Variants in CD99L2 observed in about 807,000 individuals in gnomAD.
CD99L2 encodes the protein CD99 antigen-like protein 2.
In CD99L2, 24 loss-of-function variants were observed where a neutral mutation model predicts 27.3. The ratio of observed to expected loss-of-function variants is 0.88; its 90% CI spans 0.64 to 1.24. The LOEUF (loss-of-function observed/expected upper bound fraction) is 1.24. CD99L2 is among the 50% of genes most tolerant of loss of function. The pLI is 0.00. For missense variants in CD99L2, 255 were observed against 221.6 expected (o/e 1.15, Z -0.96); for synonymous variants, 97 against 87.9 (o/e 1.10, Z -0.58).
At chrX:150,869,500 T>C (rs782369772) in intron 1 of CD99L2, among the ~76,000 whole-genome samples, 1 of 112,447 alleles carries the variant, frequency 8.9e-6, no homozygotes, top group Admixed American at 9.4e-5. Context: ...CATATTTGTA[T>C]GTAATTCTAA....
chrX:150,792,644 G>A (rs1557419740), intron 7 of CD99L2, among the ~76,000 whole-genome samples: 1 of 112,140 alleles, frequency 8.9e-6, no homozygotes, highest in African/African-American at 3.2e-5. Flanking sequence ...GTTACAACCA[G>A]ATACACCCAT....
At chrX:150,792,124 G>A (rs1210942950) in intron 7 of CD99L2, among the ~76,000 whole-genome samples, 5 of 110,806 alleles carry the variant, frequency 4.5e-5, no homozygotes, top group Non-Finnish European at 7.5e-5. Context: ...TTTTTTCCAC[G>A]ACCCCCTTTA....
intron 1 of CD99L2, among the ~76,000 whole-genome samples, chrX:150,880,105 C>A (rs782456156): frequency 9.9e-5 from 11 of 111,515 alleles, no homozygotes; most frequent in Non-Finnish European, 1.7e-4. Context: ...TCCTACACTG[C>A]TGGTGGGATT....
At chrX:150,860,913 G>A (rs782730033) in intron 1 of CD99L2, among the ~76,000 whole-genome samples, 7 of 109,349 alleles carry the variant, frequency 6.4e-5, no homozygotes, top group Non-Finnish European at 9.5e-5. Flanking sequence ...TTTGGGAGGC[G>A]GGTGGATCAC....
At chrX:150,806,386 G>A (rs782359849) in intron 4 of CD99L2, among the ~76,000 whole-genome samples, 79 of 111,572 alleles carry the variant, frequency 7.1e-4, no homozygotes, top group Non-Finnish European at 1.2e-3. Context: ...CTGCTGAGCA[G>A]CTGGGACTAC....
chrX:150,857,656 C>T (rs1437876126), intron 1 of CD99L2, among the ~76,000 whole-genome samples: 4 of 111,626 alleles, frequency 3.6e-5, no homozygotes, highest in African/African-American at 6.5e-5. Context: ...ATCATGAAAA[C>T]GTACAAAAGT....
At chrX:150,774,213 C>G (rs782804423) in intron 9 of CD99L2, among the ~76,000 whole-genome samples, 2 of 112,165 alleles carry the variant, frequency 1.8e-5, no homozygotes, top group South Asian at 7.5e-4. Context: ...TTCTGTCAGT[C>G]AGTTCTAACT....
At chrX:150,833,372 T>C (rs1478944719) in intron 1 of CD99L2, among the ~76,000 whole-genome samples, 2 of 111,675 alleles carry the variant, frequency 1.8e-5, no homozygotes, top group Non-Finnish European at 3.8e-5. Context: ...TGTTAAAATG[T>C]CTATACTGAC....
chrX:150,869,147 C>T (rs1308021065), intron 1 of CD99L2, among the ~76,000 whole-genome samples: 1 of 111,889 alleles, frequency 8.9e-6, no homozygotes, highest in Non-Finnish European at 1.9e-5. Context: ...TGTCTAGGTT[C>T]TGTATCCAGC....
chrX:150,770,160 G>A (rs1174544488), intron 10 of CD99L2, 144 bp downstream of exon 10: 3 of 510,347 alleles, frequency 5.9e-6, no homozygotes, highest in Non-Finnish European at 9.6e-6. Context: ...TGGGAGGCAG[G>A]CTCATCAGGG....
intron 1 of CD99L2, among the ~76,000 whole-genome samples, chrX:150,841,128 A>T (rs1328890690): frequency 8.0e-5 from 9 of 112,383 alleles, no homozygotes; most frequent in African/African-American, 2.6e-4. Context: ...AAAGAAATGG[A>T]AACAGTCCAA....
intron 7 of CD99L2, among the ~76,000 whole-genome samples, chrX:150,790,651 T>C (rs1361484152): frequency 1.8e-5 from 2 of 111,481 alleles, no homozygotes; most frequent in East Asian, 5.7e-4. Context: ...CTGAATTGAG[T>C]AAGACAGTAA....
In CD99L2 at chrX:150,766,767, C is replaced by T. The variant is rs2043320136; in HGVS notation, c.*2267G>A. 1 of 111,753 alleles carries T rather than the reference C, an allele frequency of 8.9e-6. No homozygotes were observed. The highest frequency in any genetic ancestry group is 3.3e-5 in the African/African-American group (1 of 30,677). The allele number at this position is 111,753 out of a possible 1,213,427, so 9.2% of individuals were successfully genotyped here. ...GCCAGGCTTCTGCAGGTGGCAGTGT[C>T]GAGCAAGTGTAAGATGTCTGTGGGA... On this transcript the variant is annotated 3_prime_UTR_variant, in exon 11 of 11. Transcript: ENST00000370377.
intron 1 of CD99L2, among the ~76,000 whole-genome samples, chrX:150,892,593 G>A (rs1293029322): frequency 2.6e-5 from 2 of 75,720 alleles, no homozygotes; most frequent in South Asian, 8.7e-4. Context: ...GCGACAGAGC[G>A]AGACTCTGTC....
chrX:150,805,018 T>G (rs1260961514), intron 4 of CD99L2, among the ~76,000 whole-genome samples: 2 of 111,443 alleles, frequency 1.8e-5, no homozygotes, highest in Non-Finnish European at 3.8e-5. Flanking sequence ...AGACCCTGTC[T>G]CTATTAAATT....
intron 1 of CD99L2, 121 bp downstream of exon 1, chrX:150,898,401 G>A (rs2047653194): frequency 2.0e-6 from 1 of 506,799 alleles, no homozygotes; most frequent in African/African-American, 2.5e-5. Context: ...CAGCCGGGCC[G>A]GCCGGTGGCA....
At chrX:150,816,955 C>G (rs1237508544) in intron 2 of CD99L2, among the ~76,000 whole-genome samples, 3 of 102,511 alleles carry the variant, frequency 2.9e-5, no homozygotes, top group Admixed American at 2.2e-4. Context: ...GAACAAAAAA[C>G]CAAACACCGC....
chrX:150,860,974 T>C (rs1264934824), intron 1 of CD99L2, among the ~76,000 whole-genome samples: 1 of 108,520 alleles, frequency 9.2e-6, no homozygotes, highest in African/African-American at 3.4e-5. Context: ...ACCCTGTCTC[T>C]ACTATAAAAC....
chrX:150,775,120 T>G (rs1018892764), intron 9 of CD99L2, among the ~76,000 whole-genome samples: 1 of 112,521 alleles, frequency 8.9e-6, no homozygotes, highest in African/African-American at 3.2e-5. Context: ...GTTGGAGACT[T>G]CCGTAAAGCA....
Sources: gnomAD v4.1 joint callset for allele counts (sites outside exome capture counted in the v4.1 genomes callset) on GRCh38, gnomAD v4.1.1 for gene constraint, MANE v1.5 for transcripts, NCBI Gene and HGNC (gene_info 2026-07-23, HGNC 2026-07-21) for gene names.